The following SERTM2 variants were observed in gnomAD, a reference collection of about 807,000 sequenced individuals.
SERTM2 encodes serine-rich and transmembrane domain-containing protein 2.
rs1221020998 is a variant in SERTM2, at chrX:111,518,491, ACTC to A, written c.-366_-364del. The A allele has an allele frequency of 6.7e-5, 10 of 149,959 alleles. No individual in the cohort carries two copies. Among genetic ancestry groups the A allele is most frequent in the Non-Finnish European group, 1.1e-4 (9 of 78,554 alleles). The allele number at this position is 149,959 out of a possible 1,213,427, so 12.4% of individuals were successfully genotyped here. A position where few individuals can be genotyped will look rare whatever the true frequency, so the allele number is the denominator to read the frequency against. ...AAACAGAGCAAAACACTGATATAATACTCTAAAAGATTCTTGTTCTAATAACAG... is the reference window on the plus strand; with the variant it reads ...AAACAGAGCAAAACACTGATATAATATAAAAGATTCTTGTTCTAATAACAG... On this transcript the variant is annotated 5_prime_UTR_variant, in exon 3 of 3. Coordinates refer to ENST00000569275, the MANE Select transcript of SERTM2 (RefSeq NM_001354473.2).
rs542728265 is a variant in SERTM2, at chrX:111,515,819, G to A, written c.-783-2256G>A. Among the ~76,000 whole-genome samples the A allele has an allele frequency of 9.1e-4, 100 of 110,400 alleles. No individual in the cohort carries two copies. In the Middle Eastern group the frequency reaches 0.014, roughly 16 times the overall value. ...AAAAAAGGGAAAGGGTCTGGGAAAG[G>A]GTCCGTGTTTTTATTCATAATAAAC... On this transcript the variant is annotated intron_variant, in intron 2 of 2. Transcript: ENST00000569275.
intron 2 of SERTM2, among the ~76,000 whole-genome samples, chrX:111,514,215 G>A (rs1020134324): frequency 5.4e-5 from 6 of 111,274 alleles, no homozygotes; most frequent in Admixed American, 9.6e-5. Flanking sequence ...ATTAGCAATC[G>A]GATCAGAGAT....
rs895179912 is a variant in SERTM2, at chrX:111,520,586, G to A, written c.*1456G>A. On this transcript the variant is annotated 3_prime_UTR_variant, in exon 3 of 3. Transcript: ENST00000569275. ...TGTAGTCTGTAACCAATTTAGATTGGCCCTTTTTCTCTGATCTAAATCTAG... is the reference window on the plus strand; with the variant it reads ...TGTAGTCTGTAACCAATTTAGATTGACCCTTTTTCTCTGATCTAAATCTAG... The A allele has an allele frequency of 4.1e-4, 46 of 111,556 alleles. No homozygotes were observed. Among genetic ancestry groups the A allele is most frequent in the African/African-American group, 1.5e-3 (46 of 30,638 alleles). 9.2% of individuals were successfully genotyped at this position (111,556 alleles called of 1,213,427 possible). A position where few individuals can be genotyped will look rare whatever the true frequency, so the allele number is the denominator to read the frequency against.
rs995246839 is a variant in SERTM2, at chrX:111,518,566, T to C, written c.-292T>C. On this transcript the variant is annotated 5_prime_UTR_variant, in exon 3 of 3. Transcript: ENST00000569275. ...ATATTTATTTTAATCAGTATAAAAG[T>C]AGGAGTGTGGAAAATAAAACATTAC... The C allele has an allele frequency of 1.3e-4, 33 of 251,374 alleles. No individual in the cohort carries two copies. The highest frequency in any genetic ancestry group is 2.1e-4 in the Non-Finnish European group (30 of 142,164). 20.7% of individuals were successfully genotyped at this position (251,374 alleles called of 1,213,427 possible).
In SERTM2 at chrX:111,513,304, C is replaced by G. The variant is rs1429278949; in HGVS notation, c.-784+1210C>G. Among the ~76,000 whole-genome samples the G allele has an allele frequency of 1.4e-4, 15 of 110,208 alleles. No individual in the cohort carries two copies. The Admixed American group carries it at 1.5e-3, about 11-fold the overall frequency. The stretch of plus-strand genomic sequence containing the variant: ...CTTTCTTTCCCTAATTCCTTACCCC[C>G]TTTTCCATTCCTCACTCTCCTCCTT... On this transcript the variant is annotated intron_variant, in intron 2 of 2. Transcript: ENST00000569275.
intron 2 of SERTM2, among the ~76,000 whole-genome samples, chrX:111,515,055 G>T (rs960059242): frequency 9.0e-6 from 1 of 110,715 alleles, no homozygotes. Context: ...AAAGTTGGTA[G>T]ATGTTTGCCC....
At chrX:111,516,447 G>A (rs1206821140) in intron 2 of SERTM2, among the ~76,000 whole-genome samples, 2 of 109,697 alleles carry the variant, frequency 1.8e-5, no homozygotes, top group Non-Finnish European at 3.8e-5. Flanking sequence ...GGGCTATCTA[G>A]AGAGAAAAAA....
rs186609749 is a variant in SERTM2, at chrX:111,520,695, G to A, written c.*1565G>A. 15 of 112,100 alleles carry A rather than the reference G, an allele frequency of 1.3e-4. No homozygotes were observed. Among genetic ancestry groups the A allele is most frequent in the Non-Finnish European group, 2.4e-4 (13 of 53,212 alleles). The allele number at this position is 112,100 out of a possible 1,213,427, so 9.2% of individuals were successfully genotyped here. A position where few individuals can be genotyped will look rare whatever the true frequency, so the allele number is the denominator to read the frequency against. ...CCTCTCTCCAAGGGGCTGCAAGTGT[G>A]AAATCCCTACATGCAGAGCTAAACT... On this transcript the variant is annotated 3_prime_UTR_variant, in exon 3 of 3. Coordinates refer to ENST00000569275, the MANE Select transcript of SERTM2 (RefSeq NM_001354473.2).
rs1356826435 is a variant in SERTM2 at position 111,521,117 on chromosome X, G to A, written c.*1987G>A. On this transcript the variant is annotated 3_prime_UTR_variant, in exon 3 of 3. Coordinates refer to ENST00000569275, the MANE Select transcript of SERTM2 (RefSeq NM_001354473.2). ...GAAGGAACTGATTATACTTTCAACA[G>A]CAGTGAATAGCAAGATACAAAATAC... is the stretch of plus-strand genomic sequence containing the variant. 8.9e-6 allele frequency: 1 copy of A among 111,955 alleles called. No homozygotes were observed. The highest frequency in any genetic ancestry group is 1.9e-5 in the Non-Finnish European group (1 of 53,244). 9.2% of individuals were successfully genotyped at this position (111,955 alleles called of 1,213,427 possible).
In SERTM2 at chrX:111,518,326, T is replaced by C. The variant is rs1930352313; in HGVS notation, c.-532T>C. On this transcript the variant is annotated 5_prime_UTR_variant, in exon 3 of 3. Transcript: ENST00000569275. ...GGTTCAGAAATACAGATAAACGGGG[T>C]GAAAACTCAGATAAGCTGAGCCTGA... 1 of 111,181 alleles carries C rather than the reference T, an allele frequency of 9.0e-6. No individual in the cohort carries two copies. Among genetic ancestry groups the C allele is most frequent in the Admixed American group, 9.6e-5 (1 of 10,411 alleles). The allele number at this position is 111,181 out of a possible 1,213,427, so 9.2% of individuals were successfully genotyped here. A position where few individuals can be genotyped will look rare whatever the true frequency, so the allele number is the denominator to read the frequency against.
At chrX:111,516,958 C>A (rs971605482) in intron 2 of SERTM2, among the ~76,000 whole-genome samples, 5 of 111,334 alleles carry the variant, frequency 4.5e-5, no homozygotes, top group African/African-American at 1.6e-4. Flanking sequence ...TTATTTTAGC[C>A]ACCCATATTC....
chrX:111,514,616 T>C (rs1271435415), intron 2 of SERTM2, among the ~76,000 whole-genome samples: 1 of 110,969 alleles, frequency 9.0e-6, no homozygotes, highest in African/African-American at 3.3e-5. Flanking sequence ...ACAGTTTTAT[T>C]GGAAAGAGGG....
chrX:111,517,698 G>T (rs1248804176), intron 2 of SERTM2, among the ~76,000 whole-genome samples: 1 of 109,078 alleles, frequency 9.2e-6, no homozygotes, highest in African/African-American at 3.4e-5. Flanking sequence ...AGCAGTGCTT[G>T]GGTCCCATCC....
rs1447869536 is a variant in SERTM2 at position 111,519,405 on chromosome X, G to A, written c.*275G>A. On this transcript the variant is annotated 3_prime_UTR_variant, in exon 3 of 3. Transcript: ENST00000569275. ...AGTAACCAAACAGTGCCTGGGCCTTGCACAAACCTCAGACCACAGAAATTC... is the reference window on the plus strand; with the variant it reads ...AGTAACCAAACAGTGCCTGGGCCTTACACAAACCTCAGACCACAGAAATTC... The A allele has an allele frequency of 1.1e-5, 2 of 180,055 alleles. No homozygotes were observed. The highest frequency in any genetic ancestry group is 7.9e-5 in the Admixed American group (1 of 12,613). 14.8% of individuals were successfully genotyped at this position (180,055 alleles called of 1,213,427 possible).
intron 2 of SERTM2, among the ~76,000 whole-genome samples, chrX:111,512,888 T>C (rs1930252537): frequency 8.9e-6 from 1 of 111,778 alleles, no homozygotes; most frequent in Non-Finnish European, 1.9e-5. Flanking sequence ...CATTTCAATG[T>C]TTATACTAAA....
chrX:111,518,997 C>T lies in SERTM2; in HGVS notation c.140C>T (p.Ala47Val). Residue 47 changes from alanine (A) to valine (V), a missense_variant, in exon 3 of 3, where the codon GCC becomes GTC. Ala to Val is a moderately conservative substitution (Grantham distance 64, BLOSUM62 0). Coordinates refer to ENST00000569275, the MANE Select transcript of SERTM2 (RefSeq NM_001354473.2). ...GTGGGCTTATTCCTGAGCCTCCTGG[C>T]CATTCTCCTCATCCTGCTCTTCACA... ...MYVGLFLSLL[A>V]ILLILLFTML... 3.4e-6 allele frequency: 1 copy of T among 297,442 alleles called. No homozygotes were observed. Among genetic ancestry groups the T allele is most frequent in the East Asian group, 4.8e-5 (1 of 21,047 alleles). 24.5% of individuals were successfully genotyped at this position (297,442 alleles called of 1,213,427 possible). A position where few individuals can be genotyped will look rare whatever the true frequency, so the allele number is the denominator to read the frequency against.
intron 2 of SERTM2, among the ~76,000 whole-genome samples, chrX:111,514,514 T>C (rs191829821): frequency 2.7e-4 from 30 of 111,784 alleles, no homozygotes; most frequent in African/African-American, 9.1e-4. Context: ...TCTTGAAGAA[T>C]TGTAGTATTT....
intron 2 of SERTM2, among the ~76,000 whole-genome samples, chrX:111,514,157 G>A (rs1437755258): frequency 1.8e-5 from 2 of 111,010 alleles, no homozygotes; most frequent in East Asian, 5.7e-4. Flanking sequence ...GAACAGTGGG[G>A]GAAGGGAATA....
intron 2 of SERTM2, among the ~76,000 whole-genome samples, chrX:111,517,835 T>C (rs1463416839): frequency 1.8e-5 from 2 of 110,853 alleles, no homozygotes; most frequent in South Asian, 7.7e-4. Flanking sequence ...AATCTTATGA[T>C]CAGTTGGTTT....
Sources: allele counts gnomAD v4.1 joint callset (sites outside exome capture counted in the v4.1 genomes callset), GRCh38; gene constraint gnomAD v4.1.1; transcripts MANE v1.5; gene names NCBI Gene and HGNC (gene_info 2026-07-23, HGNC 2026-07-21).